TTN: variants seen among roughly 807,000 people sequenced by gnomAD.
TTN encodes the protein titin, also known as connectin.
A neutral mutation model predicts 3,223.0 loss-of-function variants in TTN; 1,525 were observed. The observed-to-expected ratio is 0.47, with a 90% CI of 0.45 to 0.49. The LOEUF (loss-of-function observed/expected upper bound fraction) is 0.49, where lower values mean the gene tolerates loss of function less well. Among genes scored for constraint, TTN ranks in the 20% least tolerant of loss-of-function variants. The pLI, the probability that TTN is intolerant of heterozygous loss-of-function variation, is 0.00. For synonymous variants in TTN, 14,094 were observed against 15,161.0 expected, an observed-to-expected ratio of 0.93 and a Z score of 5.17; for missense variants, 40,786 against 43,424.0, an observed-to-expected ratio of 0.94 and a Z score of 5.40.
rs770024106 is a variant in TTN at position 178,653,330 on chromosome 2, A to G, written c.38708-9T>C. The G allele has an allele frequency of 4.3e-6, 7 of 1,611,758 alleles. No individual in the cohort carries two copies. Among genetic ancestry groups the G allele is most frequent in the South Asian group, 1.1e-5 (1 of 90,948 alleles). ...TTTGGGAGCCTCTGGCACTTAAAAG[A>G]TATTAGTAAAGTTACATGTAGAGCT... is the stretch of plus-strand genomic sequence containing the variant. On this transcript the variant is annotated splice_polypyrimidine_tract_variant and intron_variant, in intron 197 of 362. Coordinates refer to ENST00000589042, the MANE Select transcript of TTN (RefSeq NM_001267550.2).
In TTN at chr2:178,579,087, G is replaced by T; in HGVS notation, c.67943C>A (p.Thr22648Asn). 1.5e-5 allele frequency: 25 copies of T among 1,613,356 alleles called. No homozygotes were observed. Among genetic ancestry groups the T allele is most frequent in the Non-Finnish European group, 2.1e-5 (25 of 1,179,542 alleles). The change falls in exon 320 of 363, where the codon ACT becomes AAT. Residue 22648 changes from threonine to asparagine, a missense_variant. Physicochemically the swap from Thr to Asn is moderately conservative, Grantham distance 65. Transcript: ENST00000589042. ...GACTTCATCAAATTTGATTGGTCCAGTGGGGATGCCAGGCTTGCCAACAAC... is the reference window on the plus strand; with the variant it reads ...GACTTCATCAAATTTGATTGGTCCATTGGGGATGCCAGGCTTGCCAACAAC... ...IKVVGKPGIP[T>N]GPIKFDEVTA... is the part of the protein sequence containing the mutation.
chr2:178,786,486 T>C (rs374919205), intron 13 of TTN, among the ~76,000 whole-genome samples: 9 of 152,302 alleles, frequency 5.9e-5, no homozygotes, highest in African/African-American at 2.2e-4. Flanking sequence ...AATCAGAATT[T>C]TGGAGCTGGT....
At position 178,553,609 on chromosome 2, in the gene TTN, T is replaced by G. The variant is rs371949055; in HGVS notation, c.89396A>C (p.Asn29799Thr). 1.2e-6 allele frequency: 2 copies of G among 1,613,778 alleles called. No individual in the cohort carries two copies. The highest frequency in any genetic ancestry group is 1.7e-6 in the Non-Finnish European group (2 of 1,179,824). The change falls in exon 334 of 363, where the codon AAC becomes ACC. Residue 29799 changes from asparagine (N) to threonine (T), a missense_variant. Asn to Thr is a moderately conservative substitution (Grantham distance 65). Coordinates refer to ENST00000589042, the MANE Select transcript of TTN (RefSeq NM_001267550.2). ...GTAGTAATTGACTCCAGGTTTCAGG[T>G]TGGATACCACATATTCTGTAGTTCT... ...EVRTTEYVVSNLKPGVNYYFR... is the reference protein window; with the variant it reads ...EVRTTEYVVSTLKPGVNYYFR...
At chr2:178,681,038 G>A (rs772197979) in intron 138 of TTN, 41 bp downstream of exon 138, 67 of 1,444,546 alleles carry the variant, frequency 4.6e-5, no homozygotes, top group African/African-American at 5.8e-5. Context: ...TTCAAAAGAG[G>A]CATCAGAAAA....
chr2:178,545,963 A>T lies in TTN; in HGVS notation c.95273T>A (p.Val31758Asp). 6.2e-7 allele frequency: 1 copy of T among 1,613,842 alleles called. No homozygotes were observed. The highest frequency in any genetic ancestry group is 8.5e-7 in the Non-Finnish European group (1 of 1,179,792). ...RETSRLNWVIVEGECPTLSYV... is the reference protein window; with the variant it reads ...RETSRLNWVIDEGECPTLSYV... ...GGATAGGGTTGGGCATTCGCCTTCAACAATCACCCAGTTGAGCCTGCTAGT... is the reference window on the plus strand; with the variant it reads ...GGATAGGGTTGGGCATTCGCCTTCATCAATCACCCAGTTGAGCCTGCTAGT... Residue 31758 changes from valine to aspartate, a missense_variant, in exon 343 of 363, where the codon GTT becomes GAT. Transcript: ENST00000589042.
rs556765365 is a variant in TTN, at chr2:178,530,832, C to T, written c.105783G>A (p.Pro35261=). ...TTGTCTCTGTGGGTGATACGGCTTT[C>T]GGGTGAGAAGGTTCTGGAGATTTCA... ...KRVKSPEPSH[P]KAVSPTETKP... Residue 35261 remains proline, a synonymous_variant, in exon 358 of 363, where the codon CCG becomes CCA. Transcript: ENST00000589042. The T allele has an allele frequency of 2.2e-5, 36 of 1,613,716 alleles. No individual in the cohort carries two copies. In the South Asian group the frequency reaches 2.5e-4, roughly 11 times the overall value.
At position 178,731,892 on chromosome 2, in the gene TTN, T is replaced by C; in HGVS notation, c.16983A>G (p.Ala5661=). 6.2e-7 allele frequency: 1 copy of C among 1,613,762 alleles called. No homozygotes were observed. The highest frequency in any genetic ancestry group is 2.2e-5 in the East Asian group (1 of 44,860). The change falls in exon 58 of 363, where the codon GCA becomes GCG. Residue 5661 remains alanine, a synonymous_variant. Transcript: ENST00000589042. ...EYDVMLLAEV[A]GTPPFEITWF... ...AAGTGATCTCAAAGGGAGGAGTGCC[T>C]GCCACCTCAGCCAGCAACATGACAT...
In TTN at chr2:178,574,267, T is replaced by G; in HGVS notation, c.71865A>C (p.Lys23955Asn). 1 of 1,612,846 alleles carries G rather than the reference T, an allele frequency of 6.2e-7. No individual in the cohort carries two copies. The highest frequency in any genetic ancestry group is 8.5e-7 in the Non-Finnish European group (1 of 1,179,098). ...WAKPEYTGGF[K>N]ITSYIVEKRD... ...TCTTTTCAACGATATAACTGGTAAT[T>G]TTAAAGCCCCCAGTATATTCAGGCT... Residue 23955 changes from lysine (K) to asparagine (N), a missense_variant, in exon 326 of 363, where the codon AAA (lysine) becomes AAC (asparagine). Transcript: ENST00000589042.
At chr2:178,600,631 C>T (rs1211866893) in intron 288 of TTN, 3 of 565,004 alleles carry the variant, frequency 5.3e-6, no homozygotes, top group South Asian at 2.4e-5. Context: ...GAGGAAATTA[C>T]AGACATCATC....
chr2:178,720,006 C>A lies in TTN; in HGVS notation c.23636G>T (p.Cys7879Phe). The stretch of plus-strand genomic sequence containing the variant: ...ACCTAGTACAGTCAAGACTGCAGAG[C>A]ATTCTCTCATTCCAGCATCGTTTTT... ...QIKNDAGMRECSAVLTVLEPA... is the reference protein window; with the variant it reads ...QIKNDAGMREFSAVLTVLEPA... The change falls in exon 81 of 363, where the codon TGC becomes TTC. Residue 7879 changes from cysteine to phenylalanine, a missense_variant. By Grantham distance (205) the Cys-to-Phe change is radical (BLOSUM62 -2). Transcript: ENST00000589042. 6.2e-7 allele frequency: 1 copy of A among 1,611,216 alleles called. No homozygotes were observed. Among genetic ancestry groups the A allele is most frequent in the Non-Finnish European group, 8.5e-7 (1 of 1,178,314 alleles).
intron 336 of TTN, 31 bp from the exon 337 acceptor site, chr2:178,550,304 G>A (rs764771337): frequency 6.4e-7 from 1 of 1,561,740 alleles, no homozygotes; most frequent in South Asian, 1.2e-5. Context: ...CTATGTATTA[G>A]TTTGGCTTAA....
intron 6 of TTN, among the ~76,000 whole-genome samples, chr2:178,798,218 A>T (rs906148681): frequency 1.3e-4 from 20 of 152,082 alleles, no homozygotes; most frequent in African/African-American, 4.8e-4. Context: ...TTTATAAAAA[A>T]TTTTCTTGGC....
chr2:178,670,140 G>A, intron 157 of TTN, 78 bp downstream of exon 157: 1 of 889,758 alleles, frequency 1.1e-6, no homozygotes, highest in Non-Finnish European at 1.6e-6. Flanking sequence ...GTGGCATTGA[G>A]AAGAGAAAGG....
chr2:178,669,778 C>A, intron 157 of TTN, 103 bp from the exon 158 acceptor site: 1 of 1,116,260 alleles, frequency 9.0e-7, no homozygotes, highest in Non-Finnish European at 1.3e-6. Context: ...CCAAAAACCC[C>A]TCAATTATAA....
intron 223 of TTN, 44 bp downstream of exon 223, chr2:178,639,655 G>C (rs2060961602): frequency 3.2e-6 from 5 of 1,579,884 alleles, no homozygotes; most frequent in Non-Finnish European, 4.3e-6. Flanking sequence ...CTTTTATTAA[G>C]TCACCAAAAC....
intron 154 of TTN, 58 bp from the exon 155 acceptor site, chr2:178,672,325 A>T (rs2067151606): frequency 2.1e-5 from 33 of 1,602,786 alleles, no homozygotes; most frequent in Non-Finnish European, 2.8e-5. Flanking sequence ...ATAAAGATGT[A>T]CATTCAAAAT....
intron 47 of TTN, chr2:178,747,804 G>T (rs150662922): frequency 2.2e-5 from 36 of 1,612,368 alleles, no homozygotes; most frequent in Non-Finnish European, 4.2e-6. Flanking sequence ...GCTTCATTCT[G>T]AACTTGAACT....
intron 127 of TTN, among the ~76,000 whole-genome samples, chr2:178,686,352 C>T (rs2070909194): frequency 6.6e-6 from 1 of 151,220 alleles, no homozygotes; most frequent in Admixed American, 6.6e-5. Flanking sequence ...GATCTCCTGA[C>T]CTCGTGATCC....
chr2:178,660,736 C>G (rs1486080880), intron 180 of TTN, among the ~76,000 whole-genome samples: 2 of 152,300 alleles, frequency 1.3e-5, no homozygotes, highest in Admixed American at 6.5e-5. Flanking sequence ...TCAGAATGAA[C>G]AGGCAACCCA....
Sources: gnomAD v4.1 joint callset for allele counts (sites outside exome capture counted in the v4.1 genomes callset) on GRCh38, gnomAD v4.1.1 for gene constraint, MANE v1.5 for transcripts, NCBI Gene and HGNC (gene_info 2026-07-23, HGNC 2026-07-21) for gene names.